JAK1: variants seen among roughly 807,000 people sequenced by gnomAD.
JAK1 encodes tyrosine-protein kinase JAK1.
Under a neutral mutation model 136.6 loss-of-function variants are expected in JAK1, and 16 were observed. The observed-to-expected ratio is 0.12, with a 90% CI of 0.08 to 0.18. The LOEUF is 0.18. JAK1 is among the 10% of genes least tolerant of loss of function. The pLI is 1.00. For missense variants in JAK1, 859 were observed against 1,450.1 expected, an observed-to-expected ratio of 0.59 and a Z score of 6.62; for synonymous variants, 492 against 519.5, an observed-to-expected ratio of 0.95 and a Z score of 0.72.
chr1:64,867,288 G>A, intron 6 of JAK1, 80 bp from the exon 7 acceptor site: 1 of 1,042,718 alleles, frequency 9.6e-7, no homozygotes, highest in Non-Finnish European at 1.4e-6. Context: ...CTAAGTCCAT[G>A]AATCCACATG....
At chr1:64,955,851 G>A (rs1484863196) in intron 1 of JAK1, among the ~76,000 whole-genome samples, 1 of 152,234 alleles carries the variant, frequency 6.6e-6, no homozygotes, top group Non-Finnish European at 1.5e-5. Context: ...AAGGGCCTAG[G>A]GAGGAGGTGG....
chr1:65,042,704 A>C (rs889001898), intron 2 of JAK1, among the ~76,000 whole-genome samples: 1 of 152,102 alleles, frequency 6.6e-6, no homozygotes, highest in Non-Finnish European at 1.5e-5. Flanking sequence ...GGGACTTTTC[A>C]TTTTTTACTA....
rs1017831375 is a variant in JAK1, at chr1:64,966,348, C to T, written c.-93G>A. On this transcript the variant is annotated 5_prime_UTR_variant, in exon 1 of 25. Coordinates refer to ENST00000342505, the MANE Select transcript of JAK1 (RefSeq NM_002227.4). Reference sequence around the variant, plus strand: ...TGACACTCACCACTTCCGTGTGCGCCTGGGCCAGGCAGCGCCCCGTCGCTG... The same window carrying T: ...TGACACTCACCACTTCCGTGTGCGCTTGGGCCAGGCAGCGCCCCGTCGCTG... 1.3e-5 allele frequency: 2 copies of T among 151,442 alleles called. No individual in the cohort carries two copies. Among genetic ancestry groups the T allele is most frequent in the African/African-American group, 4.8e-5 (2 of 41,346 alleles). 9.4% of individuals were successfully genotyped at this position (151,442 alleles called of 1,614,324 possible). A position where few individuals can be genotyped will look rare whatever the true frequency, so the allele number is the denominator to read the frequency against.
At chr1:65,005,344 C>CA (rs376032192) in intron 2 of JAK1, among the ~76,000 whole-genome samples, 1,199 of 110,652 alleles carry the variant, frequency 0.011, 8 homozygotes, top group Admixed American at 0.017. Flanking sequence ...AACGCCATCT[C>CA]AAAAAAAAAA....
At chr1:64,945,586 T>TA (rs930388572) in intron 1 of JAK1, among the ~76,000 whole-genome samples, 11 of 151,790 alleles carry the variant, frequency 7.2e-5, no homozygotes, top group African/African-American at 2.7e-4. Flanking sequence ...TTATGTACAA[T>TA]AAAAAAAAGA....
intron 8 of JAK1, among the ~76,000 whole-genome samples, chr1:64,864,072 C>CT (rs1163865956): frequency 6.6e-6 from 1 of 152,210 alleles, no homozygotes; most frequent in Non-Finnish European, 1.5e-5. Flanking sequence ...TCACCAGGCT[C>CT]TTCCTCAGCA....
chr1:64,886,516 A>G (rs1169803459), intron 1 of JAK1, among the ~76,000 whole-genome samples, 175 bp from the exon 2 acceptor site: 2 of 152,180 alleles, frequency 1.3e-5, no homozygotes, highest in Admixed American at 1.3e-4. Flanking sequence ...TCGAGAGGAC[A>G]GAGAGACATC....
At chr1:64,954,922 A>AT (rs1646156000) in intron 1 of JAK1, among the ~76,000 whole-genome samples, 1 of 152,068 alleles carries the variant, frequency 6.6e-6, no homozygotes, top group African/African-American at 2.4e-5. Context: ...AAACACATCA[A>AT]TTTTTTTCTC....
At chr1:64,839,300 A>T (rs1240351915) in intron 20 of JAK1, among the ~76,000 whole-genome samples, 2 of 152,206 alleles carry the variant, frequency 1.3e-5, no homozygotes, top group African/African-American at 4.8e-5. Flanking sequence ...CTAGTATTGG[A>T]TCAGAACAGG....
chr1:65,004,523 CA>C (rs1169728484), intron 2 of JAK1, among the ~76,000 whole-genome samples: 1 of 152,182 alleles, frequency 6.6e-6, no homozygotes, highest in Non-Finnish European at 1.5e-5. Flanking sequence ...TGTGCAAACA[CA>C]AGGGACTTCA....
At chr1:64,872,858 C>G (rs1570679843) in intron 5 of JAK1, among the ~76,000 whole-genome samples, 1 of 152,314 alleles carries the variant, frequency 6.6e-6, no homozygotes, top group East Asian at 1.9e-4. Context: ...AGGAAGCATA[C>G]TACTAAAAAT....
chr1:64,849,989 A>G (rs1168951659), intron 12 of JAK1, among the ~76,000 whole-genome samples: 7 of 152,160 alleles, frequency 4.6e-5, no homozygotes, highest in African/African-American at 1.7e-4. Flanking sequence ...TGAAAAAGGT[A>G]AAGTAACAAA....
intron 17 of JAK1, among the ~76,000 whole-genome samples, chr1:64,843,196 C>T (rs903483809): frequency 6.6e-6 from 1 of 152,098 alleles, no homozygotes; most frequent in African/African-American, 2.4e-5. Flanking sequence ...TTCCTTTCCC[C>T]ACTCCAGACA....
At chr1:64,932,180 C>T (rs1645707200) in intron 1 of JAK1, among the ~76,000 whole-genome samples, 1 of 145,244 alleles carries the variant, frequency 6.9e-6, no homozygotes, top group Admixed American at 7.0e-5. Context: ...GTTGGGGGGC[C>T]GAGGTGGGGG....
chr1:64,883,350 G>C lies in JAK1; in HGVS notation c.132C>G (p.Asp44Glu). 6.2e-7 allele frequency: 1 copy of C among 1,614,176 alleles called. No individual in the cohort carries two copies. The highest frequency in any genetic ancestry group is 8.5e-7 in the Non-Finnish European group (1 of 1,180,010). ...PGVEVIFYLSDREPLRLGSGE... is the reference protein window; with the variant it reads ...PGVEVIFYLSEREPLRLGSGE... ...CACTGCCCAGCCGGAGGGGCTCCCT[G>C]TCCGACAGATAGAAGATCACTTCCA... Residue 44 changes from aspartate to glutamate, a missense_variant, in exon 3 of 25, where the codon GAC becomes GAG. By Grantham distance (45) the Asp-to-Glu change is conservative. This residue lies in a region of JAK1 where 353 missense variants were observed against 494.0 expected (regional missense o/e 0.71). Coordinates refer to ENST00000342505, the MANE Select transcript of JAK1 (RefSeq NM_002227.4).
At chr1:64,950,281 G>A (rs1287999279) in intron 1 of JAK1, among the ~76,000 whole-genome samples, 1 of 151,848 alleles carries the variant, frequency 6.6e-6, no homozygotes, top group Non-Finnish European at 1.5e-5. Context: ...GGTGGCGGGC[G>A]CCTGTAGTCC....
intron 1 of JAK1, among the ~76,000 whole-genome samples, chr1:64,914,867 C>A (rs1350463136): frequency 1.3e-5 from 2 of 152,144 alleles, no homozygotes; most frequent in African/African-American, 2.4e-5. Context: ...CCCAGCCAAA[C>A]ACATGGTATT....
chr1:64,921,796 T>C (rs1467800032), intron 1 of JAK1, among the ~76,000 whole-genome samples: 2 of 152,038 alleles, frequency 1.3e-5, no homozygotes, highest in African/African-American at 4.8e-5. Flanking sequence ...CTTTGTACAG[T>C]GAGTTTCTAG....
chr1:64,904,444 A>T (rs1645160951), intron 1 of JAK1, among the ~76,000 whole-genome samples: 1 of 152,226 alleles, frequency 6.6e-6, no homozygotes, highest in African/African-American at 2.4e-5. Context: ...ACACTGGTTA[A>T]ACATAGTTAA....
Sources: gnomAD v4.1 joint callset for allele counts (sites outside exome capture counted in the v4.1 genomes callset) on GRCh38, gnomAD v4.1.1 for gene constraint, gnomAD v4.1.1 regional missense constraint, MANE v1.5 for transcripts, NCBI Gene and HGNC (gene_info 2026-07-23, HGNC 2026-07-21) for gene names.